The following AOPEP variants were observed in gnomAD, a reference collection of about 807,000 sequenced individuals.
AOPEP encodes aminopeptidase O (putative).
Under a neutral mutation model 98.1 loss-of-function variants are expected in AOPEP, and 77 were observed. The observed-to-expected ratio is 0.78, with a 90% CI of 0.65 to 0.95. AOPEP has a LOEUF of 0.95. Ranked by LOEUF, AOPEP falls within the 40% of genes least tolerant of loss-of-function variation. The probability of loss-of-function intolerance (pLI) is 0.00; values close to 1 mark genes in which losing one functional copy is unlikely to be tolerated. For missense variants in AOPEP, 1,024 were observed against 1,024.7 expected (o/e 1.00, Z 0.01); for synonymous variants, 346 against 365.3 (o/e 0.95, Z 0.60).
At chr9:94,983,611 C>T (rs535579145) in intron 11 of AOPEP, among the ~76,000 whole-genome samples, 3 of 152,088 alleles carry the variant, frequency 2.0e-5, no homozygotes, top group East Asian at 3.9e-4. Context: ...AACTCCTTGG[C>T]CTGCTATTTG....
intron 7 of AOPEP, chr9:94,933,643 C>G: frequency 1.0e-6 from 1 of 985,400 alleles, no homozygotes; most frequent in Non-Finnish European, 1.2e-6. Flanking sequence ...GTAACCCTAT[C>G]CATAGCCAAA....
chr9:94,939,620 C>G (rs2056767385), intron 7 of AOPEP, among the ~76,000 whole-genome samples: 1 of 152,190 alleles, frequency 6.6e-6, no homozygotes, highest in African/African-American at 2.4e-5. Flanking sequence ...AACAACATGA[C>G]CACTAATGGA....
chr9:94,921,286 A>T (rs1301718754), intron 5 of AOPEP: 1 of 152,312 alleles, frequency 6.6e-6, no homozygotes, highest in African/African-American at 2.4e-5. Context: ...GACCATGAGC[A>T]CAGTTCCAAG....
At position 94,972,562 on chromosome 9, in the gene AOPEP, C is replaced by T. The variant is rs374702540; in HGVS notation, c.1916+4761C>T. On this transcript the variant is annotated intron_variant, in intron 10 of 16. Coordinates refer to ENST00000375315, the MANE Select transcript of AOPEP (RefSeq NM_001193329.3). This position sits in a 1 kb window ranked among gnomAD's most constrained non-coding sequence, Gnocchi z 4.2. Reference sequence around the variant, plus strand: ...TTAATCTAATACTGTTCCTCCCCCACGGAGCTACACAGTACTTGTTTTATA... The same window carrying T: ...TTAATCTAATACTGTTCCTCCCCCATGGAGCTACACAGTACTTGTTTTATA... Among the ~76,000 whole-genome samples the T allele has an allele frequency of 1.5e-4, 23 of 152,224 alleles. No homozygotes were observed. In the South Asian group the frequency reaches 1.7e-3, roughly 11 times the overall value.
In AOPEP at chr9:94,982,381, A is replaced by G. The variant is rs1008612140; in HGVS notation, c.1977+2954A>G. On this transcript the variant is annotated intron_variant, in intron 11 of 16. Coordinates refer to ENST00000375315, the MANE Select transcript of AOPEP (RefSeq NM_001193329.3). ...CCTCGCTGCCCTCAGTCATACCTCC[A>G]GAGATCACCTGCACCTGAGAGCAGC... 1.1e-4 allele frequency among the ~76,000 whole-genome samples: 17 copies of G among 152,160 alleles called. 1 individual carries two copies. Among genetic ancestry groups the G allele is most frequent in the African/African-American group, 3.6e-4 (15 of 41,446 alleles).
At chr9:94,939,978 T>C (rs1426355827) in intron 7 of AOPEP, among the ~76,000 whole-genome samples, 1 of 152,222 alleles carries the variant, frequency 6.6e-6, no homozygotes, top group African/African-American at 2.4e-5. Context: ...CATAAATAAA[T>C]TTGTATTTTG....
intron 1 of AOPEP, among the ~76,000 whole-genome samples, chr9:94,728,637 A>T (rs1829825117): frequency 6.6e-6 from 1 of 152,108 alleles, no homozygotes; most frequent in African/African-American, 2.4e-5. Flanking sequence ...CACATTTGTG[A>T]GGTGGAAAGG....
chr9:95,117,210 C>T, the AOPEP span: 1 of 993,640 alleles, frequency 1.0e-6, no homozygotes, highest in South Asian at 1.4e-5. Flanking sequence ...ATAACCAGTT[C>T]TGTCTCCCTC....
At chr9:94,769,706 G>A (rs1187985091) in intron 2 of AOPEP, among the ~76,000 whole-genome samples, 5 of 152,220 alleles carry the variant, frequency 3.3e-5, no homozygotes, top group Non-Finnish European at 7.3e-5. Context: ...AAAGAGGAGG[G>A]TGGGAATAGA....
intron 11 of AOPEP, 102 bp from the exon 12 acceptor site, chr9:95,005,056 C>G (rs1441034654): frequency 7.6e-5 from 35 of 460,600 alleles, no homozygotes; most frequent in African/African-American, 7.5e-4. Context: ...CCTCCCCGGC[C>G]GCGGGCGAGG....
intron 13 of AOPEP, among the ~76,000 whole-genome samples, chr9:95,040,026 C>A (rs2065150898): frequency 6.6e-6 from 1 of 152,206 alleles, no homozygotes; most frequent in Admixed American, 6.5e-5. Context: ...CATTGAGGAG[C>A]TCAGAGGCAC....
chr9:94,823,584 G>A (rs1853758916), intron 5 of AOPEP, among the ~76,000 whole-genome samples: 2 of 152,140 alleles, frequency 1.3e-5, no homozygotes, highest in African/African-American at 2.4e-5. Context: ...GGGCTTTTAG[G>A]TGTCCACTGC....
intron 7 of AOPEP, among the ~76,000 whole-genome samples, chr9:94,941,075 C>G (rs2056961407): frequency 6.6e-6 from 1 of 152,212 alleles, no homozygotes; most frequent in South Asian, 2.1e-4. Context: ...AACAGAGATG[C>G]TCAAGCAAAT....
In AOPEP at chr9:94,962,766, T is replaced by G. The variant is rs574188210; in HGVS notation, c.1873-4992T>G. On this transcript the variant is annotated intron_variant, in intron 9 of 16. Transcript: ENST00000375315. ...TTTTTTTTTTGAGACGAAGTCTCAC[T>G]CTGTCACCCAGGCTGGAGTGCAGTG... Among the ~76,000 whole-genome samples, 5 of 144,522 alleles carry G rather than the reference T, an allele frequency of 3.5e-5. No homozygotes were observed. In the East Asian group the frequency reaches 1.1e-3, roughly 31 times the overall value. 94.8% of individuals were successfully genotyped at this position (144,522 alleles called of 152,430 possible).
chr9:95,131,974 TTAGA>T, the AOPEP span, among the ~76,000 whole-genome samples: 3 of 152,248 alleles, frequency 2.0e-5, no homozygotes, highest in Non-Finnish European at 2.9e-5. Flanking sequence ...TAAGTTCTTA[TTAGA>T]TAAAGTAATC....
At chr9:94,756,116 C>T (rs936049059) in intron 1 of AOPEP, among the ~76,000 whole-genome samples, 3 of 151,758 alleles carry the variant, frequency 2.0e-5, no homozygotes, top group Non-Finnish European at 4.4e-5. Context: ...AAAAATTAGC[C>T]GGGTGTGGTG....
intron 3 of AOPEP, among the ~76,000 whole-genome samples, chr9:94,789,883 T>TC (rs1287567427): frequency 2.3e-5 from 2 of 86,406 alleles, no homozygotes; most frequent in Admixed American, 1.3e-4. Context: ...ACTTGTTCTT[T>TC]TTTTTTTTTA....
intron 13 of AOPEP, among the ~76,000 whole-genome samples, chr9:95,026,586 G>C (rs2063857103): frequency 6.6e-6 from 1 of 152,156 alleles, no homozygotes; most frequent in Admixed American, 6.5e-5. Context: ...TTATCTGTCT[G>C]TTCACCAGTT....
intron 14 of AOPEP, among the ~76,000 whole-genome samples, chr9:95,065,174 G>A (rs2067748241): frequency 6.6e-6 from 1 of 152,216 alleles, no homozygotes; most frequent in Non-Finnish European, 1.5e-5. Context: ...CTCTGTTGCT[G>A]TTTCAGGATG....
Sources: allele counts gnomAD v4.1 joint callset (sites outside exome capture counted in the v4.1 genomes callset), GRCh38; gene constraint gnomAD v4.1.1; non-coding constraint Gnocchi (gnomAD v3.1); transcripts MANE v1.5; gene names NCBI Gene and HGNC (gene_info 2026-07-23, HGNC 2026-07-21).